The following PTPRN2 variants were observed in gnomAD, a reference collection of about 807,000 sequenced individuals.
PTPRN2 encodes protein tyrosine phosphatase receptor type N2.
A neutral mutation model predicts 118.8 loss-of-function variants in PTPRN2; 74 were observed. The observed-to-expected ratio is 0.62, with a 90% CI of 0.52 to 0.76. The LOEUF is 0.76. Among genes scored for constraint, PTPRN2 ranks in the 30% least tolerant of loss-of-function variants. The probability of loss-of-function intolerance (pLI) is 0.00; values close to 1 mark genes in which losing one functional copy is unlikely to be tolerated. For missense variants in PTPRN2, 1,481 were observed against 1,394.4 expected (o/e 1.06, Z -0.99); for synonymous variants, 641 against 608.0 (o/e 1.05, Z -0.80).
chr7:158,149,658 C>A (rs6947802), intron 6 of PTPRN2, among the ~76,000 whole-genome samples: 1 of 152,068 alleles, frequency 6.6e-6, no homozygotes. Context: ...ACAAAAATGA[C>A]CCAGGCGTGG....
intron 7 of PTPRN2, 60 bp from the exon 8 acceptor site, chr7:158,136,755 AG>A: frequency 6.5e-7 from 1 of 1,547,214 alleles, no homozygotes; most frequent in South Asian, 1.1e-5. Flanking sequence ...AGGGTGCCAC[AG>A]ACATAAAAAG....
intron 3 of PTPRN2, among the ~76,000 whole-genome samples, chr7:158,214,869 C>T (rs1827851162): frequency 6.6e-6 from 1 of 152,136 alleles, no homozygotes; most frequent in African/African-American, 2.4e-5. Context: ...CACCCCTTAC[C>T]CCCAGAAGAG....
intron 14 of PTPRN2, among the ~76,000 whole-genome samples, chr7:157,637,850 T>C (rs893309230): frequency 6.6e-6 from 1 of 152,244 alleles, no homozygotes; most frequent in Admixed American, 6.5e-5. Flanking sequence ...GTGCCAACGA[T>C]GTACTCATTA....
intron 11 of PTPRN2, among the ~76,000 whole-genome samples, chr7:157,913,628 C>T (rs1022005393): frequency 6.6e-6 from 1 of 152,110 alleles, no homozygotes; most frequent in Non-Finnish European, 1.5e-5. Flanking sequence ...ATGTTTTTAC[C>T]TGTATCTATT....
intron 5 of PTPRN2, among the ~76,000 whole-genome samples, chr7:158,171,781 T>G (rs200445772): frequency 6.6e-6 from 1 of 152,188 alleles, no homozygotes; most frequent in East Asian, 1.9e-4. Context: ...AACCCCCTGT[T>G]GTGAAGATGT....
chr7:157,991,887 G>A (rs923658459), intron 11 of PTPRN2, among the ~76,000 whole-genome samples: 5 of 150,866 alleles, frequency 3.3e-5, no homozygotes, highest in African/African-American at 7.4e-5. Context: ...AGACCCTCCC[G>A]GGGCTCAAAA....
intron 12 of PTPRN2, among the ~76,000 whole-genome samples, chr7:157,888,529 C>A (rs1056738699): frequency 6.6e-6 from 1 of 152,138 alleles, no homozygotes; most frequent in African/African-American, 2.4e-5. Flanking sequence ...GCTCTCTGCC[C>A]CACCAGCCCA....
chr7:158,449,059 C>T (rs1257288163), intron 2 of PTPRN2, among the ~76,000 whole-genome samples: 1 of 152,186 alleles, frequency 6.6e-6, no homozygotes, highest in East Asian at 1.9e-4. Context: ...TTGTGGGACT[C>T]GGCACCACCT....
At chr7:158,174,696 C>A (rs1041598754) in intron 5 of PTPRN2, among the ~76,000 whole-genome samples, 50 of 152,120 alleles carry the variant, frequency 3.3e-4, no homozygotes, top group Non-Finnish European at 4.7e-4. Flanking sequence ...CATTAACAAC[C>A]GTAATTGAAA....
intron 10 of PTPRN2, among the ~76,000 whole-genome samples, chr7:158,086,600 C>A (rs555605887): frequency 2.0e-5 from 3 of 152,194 alleles, no homozygotes; most frequent in Non-Finnish European, 4.4e-5. Flanking sequence ...AAACCACCAA[C>A]GAAAAGCACA....
At chr7:158,145,054 T>G (rs1189069596) in intron 6 of PTPRN2, among the ~76,000 whole-genome samples, 3 of 94,422 alleles carry the variant, frequency 3.2e-5, no homozygotes, top group Non-Finnish European at 6.3e-5. Flanking sequence ...CTCGGCAAGG[T>G]TTCCCTCACA....
intron 12 of PTPRN2, among the ~76,000 whole-genome samples, chr7:157,765,288 C>T (rs1802386801): frequency 6.6e-6 from 1 of 151,420 alleles, no homozygotes; most frequent in African/African-American, 2.4e-5. Flanking sequence ...TTCATCCACC[C>T]ATCCAACCAT....
rs1184319793 is a variant in PTPRN2 at position 158,273,416 on chromosome 7, AGACG to A, written c.277+43399_277+43402del. Among the ~76,000 whole-genome samples the A allele has an allele frequency of 6.0e-3, 797 of 131,882 alleles. 28 individuals are homozygous for A. Among genetic ancestry groups the A allele is most frequent in the African/African-American group, 0.022 (715 of 33,080 alleles). The allele number at this position is 131,882 out of a possible 152,430, so 86.5% of individuals were successfully genotyped here. ...TGCAGACACGGGAGGAGCCGCAGACAGACGCGGGAGGAGCCGCAGACAGACGCGG... is the reference window on the plus strand; with the variant it reads ...TGCAGACACGGGAGGAGCCGCAGACACGGGAGGAGCCGCAGACAGACGCGG... On this transcript the variant is annotated intron_variant, in intron 3 of 22. Transcript: ENST00000389418.
In PTPRN2 at chr7:157,813,662, C is replaced by T. The variant is rs150602684; in HGVS notation, c.1788+85011G>A. Among the ~76,000 whole-genome samples the T allele has an allele frequency of 1.6e-3, 244 of 152,322 alleles. 1 individual carries two copies. The highest frequency in any genetic ancestry group is 3.1e-3 in the Non-Finnish European group (209 of 68,030). ...GAGTCGCATTTCTTCCTCACTGCAT[C>T]GCTGTATTTTCCAGATGTCCACTGA... On this transcript the variant is annotated intron_variant, in intron 12 of 22. Coordinates refer to ENST00000389418, the MANE Select transcript of PTPRN2 (RefSeq NM_002847.5). This position sits in a 1 kb window ranked among gnomAD's most constrained non-coding sequence, Gnocchi z 4.7.
chr7:157,657,724 C>A, intron 13 of PTPRN2, among the ~76,000 whole-genome samples: 1 of 140,210 alleles, frequency 7.1e-6, no homozygotes, highest in South Asian at 2.4e-4. Flanking sequence ...ACACACACAC[C>A]ACACACATCA....
intron 1 of PTPRN2, 97 bp downstream of exon 1, chr7:158,587,461 C>T (rs1368627591): frequency 2.1e-5 from 9 of 419,990 alleles, no homozygotes; most frequent in Non-Finnish European, 2.5e-5. Context: ...CTCAGGGTGG[C>T]GCCTCTCCCC....
intron 12 of PTPRN2, among the ~76,000 whole-genome samples, chr7:157,722,045 GCCA>G (rs1042825753): frequency 1.3e-5 from 2 of 152,264 alleles, no homozygotes; most frequent in African/African-American, 4.8e-5. Context: ...CCCCGGAGCA[GCCA>G]CCAACCAAGA....
chr7:158,071,053 G>T (rs1291701024), intron 11 of PTPRN2, among the ~76,000 whole-genome samples: 1 of 71,972 alleles, frequency 1.4e-5, no homozygotes. Context: ...AGGTGCTCAT[G>T]GTGGTGGAGG....
chr7:157,976,134 C>T (rs890976079), intron 11 of PTPRN2, among the ~76,000 whole-genome samples: 11 of 152,238 alleles, frequency 7.2e-5, no homozygotes, highest in South Asian at 4.1e-4. Context: ...GGTGAAACGC[C>T]GGGAAAGGGG....
Sources: gnomAD v4.1 joint callset for allele counts (sites outside exome capture counted in the v4.1 genomes callset) on GRCh38, gnomAD v4.1.1 for gene constraint, Gnocchi (gnomAD v3.1) non-coding constraint, MANE v1.5 for transcripts, NCBI Gene and HGNC (gene_info 2026-07-23, HGNC 2026-07-21) for gene names.